The following SBF2 variants were observed in gnomAD, a reference collection of about 807,000 sequenced individuals.
The protein encoded by SBF2 is myotubularin-related protein 13.
SBF2 carries 112 observed loss-of-function variants against 225.2 expected under a neutral mutation model. That is an observed-to-expected ratio of 0.50 (90% CI 0.43 to 0.58). The LOEUF (loss-of-function observed/expected upper bound fraction) is 0.58, where lower values mean the gene tolerates loss of function less well. Among genes scored for constraint, SBF2 ranks in the 20% least tolerant of loss-of-function variants. The pLI, the probability that SBF2 is intolerant of heterozygous loss-of-function variation, is 0.00. For missense variants in SBF2, 1,996 were observed against 2,206.2 expected, an observed-to-expected ratio of 0.90 and a Z score of 1.91; for synonymous variants, 763 against 773.3, an observed-to-expected ratio of 0.99 and a Z score of 0.22.
intron 1 of SBF2, among the ~76,000 whole-genome samples, chr11:10,259,701 T>C (rs372313763): frequency 3.3e-5 from 5 of 152,170 alleles, no homozygotes; most frequent in Admixed American, 6.5e-5. Flanking sequence ...ACACCAGATA[T>C]ACCTTATCTA....
chr11:10,212,631 T>G (rs1793659403), intron 1 of SBF2, among the ~76,000 whole-genome samples: 1 of 152,182 alleles, frequency 6.6e-6, no homozygotes, highest in African/African-American at 2.4e-5. Context: ...CTCTTTTCAT[T>G]TGTTTGTTTA....
intron 36 of SBF2, among the ~76,000 whole-genome samples, chr11:9,785,813 C>CTGCACTCCAGCCT (rs1239278850): frequency 2.0e-5 from 3 of 152,088 alleles, no homozygotes; most frequent in Non-Finnish European, 4.4e-5. Flanking sequence ...GATCACGCCA[C>CTGCACTCCAGCCT]TGCACTCCAG....
At chr11:10,170,942 T>C (rs575777915) in intron 2 of SBF2, among the ~76,000 whole-genome samples, 2 of 152,288 alleles carry the variant, frequency 1.3e-5, no homozygotes, top group East Asian at 3.9e-4. Context: ...TTTCAGATAG[T>C]TCACTGTTGG....
chr11:9,833,772 T>A (rs1489524573), intron 26 of SBF2, among the ~76,000 whole-genome samples: 7 of 121,382 alleles, frequency 5.8e-5, no homozygotes, highest in Non-Finnish European at 1.3e-4. Flanking sequence ...TATCATGCTA[T>A]CCTTTTTTTT....
chr11:9,812,491 T>C (rs1402478148), intron 30 of SBF2, 41 bp downstream of exon 30: 3 of 1,609,540 alleles, frequency 1.9e-6, no homozygotes, highest in Non-Finnish European at 2.6e-6. Flanking sequence ...TGGGCCTCTG[T>C]TTCTTTGAGT....
intron 16 of SBF2, chr11:9,960,862 A>C (rs1354135363): frequency 5.3e-5 from 8 of 151,986 alleles, no homozygotes; most frequent in Admixed American, 5.2e-4. Context: ...ATGGGGTTTC[A>C]CCATGCTGGC....
At chr11:9,891,773 T>C (rs960537052) in intron 17 of SBF2, among the ~76,000 whole-genome samples, 2 of 152,190 alleles carry the variant, frequency 1.3e-5, no homozygotes, top group African/African-American at 2.4e-5. Context: ...AGGCTTACAA[T>C]CCAGGGGAAA....
At chr11:10,102,117 C>T (rs1422762998) in intron 2 of SBF2, among the ~76,000 whole-genome samples, 2 of 152,174 alleles carry the variant, frequency 1.3e-5, no homozygotes, top group Non-Finnish European at 2.9e-5. Flanking sequence ...CAAATTTAGA[C>T]ATTTGGTCTA....
At chr11:9,854,193 C>T (rs1252635756) in intron 19 of SBF2, among the ~76,000 whole-genome samples, 2 of 152,162 alleles carry the variant, frequency 1.3e-5, no homozygotes, top group Non-Finnish European at 2.9e-5. Flanking sequence ...CAGCAACAAG[C>T]GTACTCTTCC....
At chr11:9,892,275 T>A (rs1021265518) in intron 17 of SBF2, among the ~76,000 whole-genome samples, 2 of 151,988 alleles carry the variant, frequency 1.3e-5, no homozygotes, top group African/African-American at 4.8e-5. Flanking sequence ...CACTCCACCA[T>A]GGCTGGCTGA....
intron 17 of SBF2, among the ~76,000 whole-genome samples, chr11:9,870,860 G>A (rs953282577): frequency 4.6e-5 from 7 of 151,998 alleles, no homozygotes; most frequent in Admixed American, 3.9e-4. Context: ...TGTAGTCCCA[G>A]CTACTTGGGA....
intron 1 of SBF2, among the ~76,000 whole-genome samples, chr11:10,211,546 T>A (rs1957945245): frequency 6.6e-6 from 1 of 152,218 alleles, no homozygotes; most frequent in Non-Finnish European, 1.5e-5. Flanking sequence ...TGTCCCATCA[T>A]CAGCTGTGTC....
chr11:10,148,627 G>A (rs1216768939), intron 2 of SBF2, among the ~76,000 whole-genome samples: 1 of 151,958 alleles, frequency 6.6e-6, no homozygotes, highest in African/African-American at 2.4e-5. Flanking sequence ...TTCATCAGAT[G>A]TAGATGTCGC....
At chr11:10,109,897 G>A (rs887955599) in intron 2 of SBF2, among the ~76,000 whole-genome samples, 2 of 152,206 alleles carry the variant, frequency 1.3e-5, no homozygotes, top group Non-Finnish European at 2.9e-5. Context: ...TATTTTTCAT[G>A]AGGGAGAAAT....
chr11:10,173,130 T>C (rs1176740865), intron 2 of SBF2, among the ~76,000 whole-genome samples: 2 of 152,248 alleles, frequency 1.3e-5, no homozygotes, highest in Non-Finnish European at 2.9e-5. Flanking sequence ...TGTTTTCGAA[T>C]TTTTAAAAAC....
Position 9,965,893 on chromosome 11 carries a change from A to G in SBF2, c.1601-2011T>C, listed in dbSNP as rs565444045. Among the ~76,000 whole-genome samples the G allele has an allele frequency of 5.3e-5, 8 of 152,312 alleles. No homozygotes were observed. The East Asian group carries it at 1.3e-3, about 26-fold the overall frequency. ...AATTGTGGGCTCTGGTGCTTCCCAC[A>G]CACATAGGTTGGTGGCATTAACTGA... On this transcript the variant is annotated intron_variant, in intron 14 of 39. Transcript: ENST00000256190.
intron 2 of SBF2, among the ~76,000 whole-genome samples, chr11:10,130,537 T>C (rs113145125): frequency 4.9e-4 from 75 of 152,238 alleles, no homozygotes; most frequent in African/African-American, 1.7e-3. Flanking sequence ...TATAATACAA[T>C]ATCAAAACCA....
chr11:10,210,389 A>C (rs751143149), intron 1 of SBF2, among the ~76,000 whole-genome samples: 2 of 151,016 alleles, frequency 1.3e-5, no homozygotes, highest in Non-Finnish European at 3.0e-5. Context: ...GGAGGAAGAG[A>C]AGGAGGAAGG....
chr11:10,195,698 AG>A (rs1957332173), intron 1 of SBF2, among the ~76,000 whole-genome samples: 1 of 152,358 alleles, frequency 6.6e-6, no homozygotes, highest in South Asian at 2.1e-4. Flanking sequence ...ATAAATGGAA[AG>A]TGACATTCAC....
Sources: gnomAD v4.1 joint callset for allele counts (sites outside exome capture counted in the v4.1 genomes callset) on GRCh38, gnomAD v4.1.1 for gene constraint, MANE v1.5 for transcripts, NCBI Gene and HGNC (gene_info 2026-07-23, HGNC 2026-07-21) for gene names.